TTN: variants seen among roughly 807,000 people sequenced by gnomAD.
TTN encodes the protein connectin.
In TTN, 1,525 loss-of-function variants were observed where a neutral mutation model predicts 3,223.0. The ratio of observed to expected loss-of-function variants is 0.47; its 90% CI spans 0.45 to 0.49. TTN has a LOEUF of 0.49. Ranked by LOEUF, TTN falls within the 20% of genes least tolerant of loss-of-function variation. The pLI is 0.00. For missense variants in TTN, 40,786 were observed against 43,424.0 expected (o/e 0.94, Z 5.40); for synonymous variants, 14,094 against 15,161.0 (o/e 0.93, Z 5.17).
chr2:178,590,608 C>T lies in TTN; in HGVS notation c.61117G>A (p.Gly20373Arg). Reference sequence around the variant, plus strand: ...TTCAGTTTAGGATTAATAGGTGGTCCAGGTGGTTTGATGGGCCGGCAAGCT... The same window carrying T: ...TTCAGTTTAGGATTAATAGGTGGTCTAGGTGGTTTGATGGGCCGGCAAGCT... ...IKACRPIKPPGPPINPKLKDK... is the reference protein window; with the variant it reads ...IKACRPIKPPRPPINPKLKDK... Residue 20373 changes from glycine to arginine, a missense_variant, in exon 304 of 363, where the codon GGA becomes AGA. Transcript: ENST00000589042. The T allele has an allele frequency of 1.2e-6, 2 of 1,612,810 alleles. No individual in the cohort carries two copies. Among genetic ancestry groups the T allele is most frequent in the Non-Finnish European group, 1.7e-6 (2 of 1,179,320 alleles).
Position 178,608,291 on chromosome 2 carries a change from A to G in TTN, c.52592T>C (p.Val17531Ala), listed in dbSNP as rs764524150. The change falls in exon 275 of 363, where the codon GTA (valine) becomes GCA (alanine). Residue 17531 changes from valine (V) to alanine (A), a missense_variant. By Grantham distance (64) the Val-to-Ala change is moderately conservative. Transcript: ENST00000589042. ...KSLLNALKAN[V>A]DGLLEGLTYV... ...GGTGAGTCCTTCTAATAAGCCATCT[A>G]CATTGGCTTTCAAGGCATTCAGAAG... 3.7e-6 allele frequency: 6 copies of G among 1,612,144 alleles called. No individual in the cohort carries two copies. Among genetic ancestry groups the G allele is most frequent in the Non-Finnish European group, 4.2e-6 (5 of 1,179,108 alleles).
Position 178,545,901 on chromosome 2 carries a change from T to C in TTN, c.95335A>G (p.Ile31779Val), listed in dbSNP as rs886039071. 1 of 1,613,768 alleles carries C rather than the reference T, an allele frequency of 6.2e-7. No individual in the cohort carries two copies. The highest frequency in any genetic ancestry group is 8.5e-7 in the Non-Finnish European group (1 of 1,179,804). ...VTRLIKNNEY[I>V]FRVRAVNKYG... ...TTGTTTACTGCCCTCACTCGGAATATGTACTCATTGTTCTTGATGAGCCTG... is the reference window on the plus strand; with the variant it reads ...TTGTTTACTGCCCTCACTCGGAATACGTACTCATTGTTCTTGATGAGCCTG... Residue 31779 changes from isoleucine to valine, a missense_variant, in exon 343 of 363, where the codon ATA (isoleucine) becomes GTA (valine). Ile to Val is a conservative substitution (Grantham distance 29). Transcript: ENST00000589042.
At position 178,607,392 on chromosome 2, in the gene TTN, A is replaced by T. The variant is rs755211351; in HGVS notation, c.53287+9T>A. On this transcript the variant is annotated intron_variant, in intron 277 of 362. Transcript: ENST00000589042. ...AAAATCCTGTGAAAATCAGTGCAAC[A>T]TTCCTTACCAAAAACTTCTACCCTG... is the stretch of plus-strand genomic sequence containing the variant. 2 of 1,612,916 alleles carry T rather than the reference A, an allele frequency of 1.2e-6. No individual in the cohort carries two copies. The highest frequency in any genetic ancestry group is 3.3e-5 in the Admixed American group (2 of 59,946).
chr2:178,770,710 A>G, intron 34 of TTN, 35 bp from the exon 35 acceptor site: 1 of 1,601,074 alleles, frequency 6.2e-7, no homozygotes, highest in Non-Finnish European at 8.5e-7. Context: ...TAGAAAATAT[A>G]GATGACATCA....
intron 38 of TTN, 143 bp downstream of exon 38, chr2:178,768,530 G>T: frequency 1.6e-6 from 2 of 1,236,934 alleles, no homozygotes; most frequent in Non-Finnish European, 2.2e-6. Flanking sequence ...GTAGCATATC[G>T]TAGTGCTTCC....
rs3813250 is a variant in TTN at position 178,531,231 on chromosome 2, T to C, written c.105384A>G (p.Ala35128=). Residue 35128 remains alanine, a synonymous_variant, in exon 358 of 363, where the codon GCA becomes GCG. Coordinates refer to ENST00000589042, the MANE Select transcript of TTN (RefSeq NM_001267550.2). Reference sequence around the variant, plus strand: ...ACCGTGGCTTTGTTAGAATTCTTGCTGCCAAAGTCGTCTTGATCTTTCTGG... The same window carrying C: ...ACCGTGGCTTTGTTAGAATTCTTGCCGCCAAAGTCGTCTTGATCTTTCTGG... ...STTRKIKTTL[A]ARILTKPRSM... 0.28 allele frequency: 447,533 copies of C among 1,613,596 alleles called. 74,784 individuals carry two copies. Among genetic ancestry groups the C allele is most frequent in the East Asian group, 0.69 (31,049 of 44,838 alleles).
At position 178,649,823 on chromosome 2, in the gene TTN, G is replaced by A. The variant is rs1474899903; in HGVS notation, c.39889C>T (p.Pro13297Ser). 1 of 1,612,196 alleles carries A rather than the reference G, an allele frequency of 6.2e-7. No homozygotes were observed. The highest frequency in any genetic ancestry group is 8.5e-7 in the Non-Finnish European group (1 of 1,179,384). ...TTCATTTTAACATGAGTACCTTTAG[G>A]AGGCGGTGCTTCTGGTTTTTTGATG... ...PVIKKPEAPPPKEPEMPKKVV... is the reference protein window; with the variant it reads ...PVIKKPEAPPSKEPEMPKKVV... Residue 13297 changes from proline (P) to serine (S), a missense_variant, in exon 211 of 363, where the codon CCT becomes TCT. Physicochemically the swap from Pro to Ser is moderately conservative, Grantham distance 74. Transcript: ENST00000589042.
rs754128341 is a variant in TTN, at chr2:178,773,890, A to G, written c.7278T>C (p.Ser2426=). The part of the protein sequence containing the change: ...DMTKEDAGNY[S]FTIPALGLST... ...AGAGGCCAAGGGCTGGAATGGTGAAAGAGTAATTTCCAGCATCTTCCTTAG... is the reference window on the plus strand; with the variant it reads ...AGAGGCCAAGGGCTGGAATGGTGAAGGAGTAATTTCCAGCATCTTCCTTAG... Residue 2426 remains serine (S), a synonymous_variant, in exon 31 of 363, where the codon TCT becomes TCC. Transcript: ENST00000589042. The G allele has an allele frequency of 1.2e-6, 2 of 1,614,112 alleles. No individual in the cohort carries two copies. Among genetic ancestry groups the G allele is most frequent in the Non-Finnish European group, 1.7e-6 (2 of 1,179,986 alleles).
In TTN at chr2:178,548,267, A is replaced by G. The variant is rs1310673663; in HGVS notation, c.93359T>C (p.Leu31120Pro). 7 of 1,613,742 alleles carry G rather than the reference A, an allele frequency of 4.3e-6. No individual in the cohort carries two copies. The highest frequency in any genetic ancestry group is 5.9e-6 in the Non-Finnish European group (7 of 1,179,818). Residue 31120 changes from leucine (L) to proline (P), a missense_variant, in exon 339 of 363, where the codon CTT (leucine) becomes CCT (proline). Transcript: ENST00000589042. This position sits in a 1 kb window ranked among gnomAD's most constrained non-coding sequence, Gnocchi z 4.3. ...ATEQPAPPRR[L>P]DVVDTSKSSA... The stretch of plus-strand genomic sequence containing the variant: ...GGATTTGCTAGTATCAACAACATCA[A>G]GTCTCCTAGGTGGAGCAGGCTGTTC...
Position 178,732,662 on chromosome 2 carries a change from C to A in TTN, c.16399G>T (p.Val5467Phe). 1 of 1,610,712 alleles carries A rather than the reference C, an allele frequency of 6.2e-7. No homozygotes were observed. Among genetic ancestry groups the A allele is most frequent in the African/African-American group, 1.3e-5 (1 of 74,904 alleles). ...CCTTGGAAAGTGCTCTTCAGGCAGACTGCTGAGCCAGGCAGAACATCCTTT... is the reference window on the plus strand; with the variant it reads ...CCTTGGAAAGTGCTCTTCAGGCAGAATGCTGAGCCAGGCAGAACATCCTTT... ...GSKDVLPGSA[V>F]CLKSTFQGST... Residue 5467 changes from valine (V) to phenylalanine (F), a missense_variant, in exon 56 of 363, where the codon GTC (valine) becomes TTC (phenylalanine). Transcript: ENST00000589042.
rs1380943129 is a variant in TTN at position 178,571,301 on chromosome 2, T to C, written c.74831A>G (p.His24944Arg). The C allele has an allele frequency of 6.2e-7, 1 of 1,613,348 alleles. No homozygotes were observed. The highest frequency in any genetic ancestry group is 1.3e-5 in the African/African-American group (1 of 74,872). ...SDGGSRVIGY[H>R]LERKERNSIL... ...GCTATTTCTTTCCTTGCGTTCTAGATGATAGCCAATGACTCTACTTCCTCC... is the reference window on the plus strand; with the variant it reads ...GCTATTTCTTTCCTTGCGTTCTAGACGATAGCCAATGACTCTACTTCCTCC... The change falls in exon 326 of 363, where the codon CAT becomes CGT. Residue 24944 changes from histidine to arginine, a missense_variant. Physicochemically the swap from His to Arg is conservative, Grantham distance 29. Coordinates refer to ENST00000589042, the MANE Select transcript of TTN (RefSeq NM_001267550.2).
At chr2:178,674,871 A>G (rs1009583603) in intron 150 of TTN, among the ~76,000 whole-genome samples, 168 bp downstream of exon 150, 3 of 151,918 alleles carry the variant, frequency 2.0e-5, no homozygotes, top group African/African-American at 7.2e-5. Context: ...AAGAGATTCA[A>G]ATAATATTAA....
At chr2:178,626,871 C>T (rs1277581936) in intron 240 of TTN, among the ~76,000 whole-genome samples, 1 of 151,906 alleles carries the variant, frequency 6.6e-6, no homozygotes, top group Non-Finnish European at 1.5e-5. Context: ...GCTTTATCAT[C>T]TGAGTTCCTC....
rs141624266 is a variant in TTN, at chr2:178,557,454, C to T, written c.87808G>A (p.Val29270Ile). ...TCTTTCATTTCCAGGTGATAGCCTA[C>T]GACTGCACTGCCTCCATTTGACACT... ...EPVSNGGSAVVGYHLEMKDRN... is the reference protein window; with the variant it reads ...EPVSNGGSAVIGYHLEMKDRN... The change falls in exon 329 of 363, where the codon GTA becomes ATA. Residue 29270 changes from valine (V) to isoleucine (I), a missense_variant. Coordinates refer to ENST00000589042, the MANE Select transcript of TTN (RefSeq NM_001267550.2). The T allele has an allele frequency of 3.0e-3, 4,774 of 1,613,908 alleles. 28 individuals carry two copies. The highest frequency in any genetic ancestry group is 5.1e-3 in the South Asian group (463 of 91,084).
At position 178,749,987 on chromosome 2, in the gene TTN, T is replaced by G. The variant is rs781665805; in HGVS notation, c.11311+3137A>C. 35 of 1,613,136 alleles carry G rather than the reference T, an allele frequency of 2.2e-5. No individual in the cohort carries two copies. The East Asian group carries it at 7.1e-4, about 33-fold the overall frequency. ...TCTGTGTTTTGGTGATTGAGTAACT[T>G]GATCTTGAGGCATTGCTTTAGGTTC... On this transcript the variant is annotated intron_variant, in intron 47 of 362. Transcript: ENST00000589042.
intron 88 of TTN, 48 bp from the exon 89 acceptor site, chr2:178,715,822 A>G (rs1190302543): frequency 3.4e-6 from 5 of 1,492,444 alleles, no homozygotes; most frequent in Non-Finnish European, 4.5e-6. Flanking sequence ...GAACAGATGC[A>G]TATAATTCAA....
intron 6 of TTN, among the ~76,000 whole-genome samples, chr2:178,795,729 T>G (rs2093734491): frequency 6.6e-6 from 1 of 152,188 alleles, no homozygotes; most frequent in Non-Finnish European, 1.5e-5. Context: ...AGCCATTTTT[T>G]TTTTTCCCCT....
At chr2:178,546,971 A>G (rs912022246) in intron 340 of TTN, 32 bp downstream of exon 340, 1 of 1,589,806 alleles carries the variant, frequency 6.3e-7, no homozygotes, top group Non-Finnish European at 8.6e-7. Flanking sequence ...CAGTAATAAT[A>G]AACAAATATG....
At chr2:178,750,494 C>A in intron 47 of TTN, 1 of 1,612,740 alleles carries the variant, frequency 6.2e-7, no homozygotes, top group Non-Finnish European at 8.5e-7. Context: ...TTGAGGATAT[C>A]CTTGAAAATG....
Sources: gnomAD v4.1 joint callset for allele counts (sites outside exome capture counted in the v4.1 genomes callset) on GRCh38, gnomAD v4.1.1 for gene constraint, Gnocchi (gnomAD v3.1) non-coding constraint, MANE v1.5 for transcripts, NCBI Gene and HGNC (gene_info 2026-07-23, HGNC 2026-07-21) for gene names.